The following ARHGEF11 variants were observed in gnomAD, a reference collection of about 807,000 sequenced individuals.
ARHGEF11 encodes Rho guanine exchange factor (GEF) 11.
ARHGEF11 carries 55 observed loss-of-function variants against 193.7 expected under a neutral mutation model. That is an observed-to-expected ratio of 0.28 (90% CI 0.23 to 0.36). The LOEUF (loss-of-function observed/expected upper bound fraction) is 0.36. Ranked by LOEUF, ARHGEF11 falls within the 10% of genes least tolerant of loss-of-function variation. The pLI is 1.00. For missense variants in ARHGEF11, 1,723 were observed against 2,005.6 expected (o/e 0.86, Z 2.69); for synonymous variants, 693 against 768.0 (o/e 0.90, Z 1.62).
chr1:157,044,389 T>G lies in ARHGEF11; in HGVS notation c.-59A>C. ...GTAGCTTTGGTGTCTTGATCAGGAT[T>G]GAATCGCTTGCAATTTTTGAGCAAG... On this transcript the variant is annotated 5_prime_UTR_variant, in exon 1 of 41. Coordinates refer to ENST00000368194, the MANE Select transcript of ARHGEF11 (RefSeq NM_198236.3). 1 of 1,574,242 alleles carries G rather than the reference T, an allele frequency of 6.4e-7. No homozygotes were observed. Among genetic ancestry groups the G allele is most frequent in the Non-Finnish European group, 8.7e-7 (1 of 1,145,788 alleles).
At chr1:156,992,171 TG>T (rs1665826918) in intron 1 of ARHGEF11, among the ~76,000 whole-genome samples, 1 of 152,264 alleles carries the variant, frequency 6.6e-6, no homozygotes, top group African/African-American at 2.4e-5. Flanking sequence ...TGTTTCTTCT[TG>T]TAAAACTAAA....
intron 18 of ARHGEF11, 61 bp from the exon 19 acceptor site, chr1:156,956,625 A>T: frequency 6.2e-7 from 1 of 1,605,388 alleles, no homozygotes; most frequent in Non-Finnish European, 8.5e-7. Flanking sequence ...TGTGCCAAAC[A>T]ATCTCTTCAC....
chr1:157,010,489 G>A (rs1571484062), intron 1 of ARHGEF11, among the ~76,000 whole-genome samples: 1 of 152,082 alleles, frequency 6.6e-6, no homozygotes, highest in African/African-American at 2.4e-5. Flanking sequence ...TTGTGTGATC[G>A]TAGCCCACTA....
At chr1:156,955,493 G>A (rs1357627279) in intron 20 of ARHGEF11, among the ~76,000 whole-genome samples, 1 of 152,166 alleles carries the variant, frequency 6.6e-6, no homozygotes, top group African/African-American at 2.4e-5. Flanking sequence ...AAGACCCAGG[G>A]ACCGGCACGG....
intron 1 of ARHGEF11, among the ~76,000 whole-genome samples, chr1:157,027,295 G>A (rs1411659575): frequency 6.6e-6 from 1 of 152,124 alleles, no homozygotes; most frequent in Non-Finnish European, 1.5e-5. Flanking sequence ...AGGATAACTT[G>A]AACCCAGGAA....
rs1413823758 is a variant in ARHGEF11 at position 156,959,132 on chromosome 1, C to T, written c.1293G>A (p.Leu431=). The T allele has an allele frequency of 1.2e-6, 2 of 1,614,146 alleles. No homozygotes were observed. Among genetic ancestry groups the T allele is most frequent in the Middle Eastern group, 1.6e-4 (1 of 6,062 alleles). The change falls in exon 16 of 41, where the codon CTG becomes CTA. Residue 431 remains leucine, a synonymous_variant. Coordinates refer to ENST00000368194, the MANE Select transcript of ARHGEF11 (RefSeq NM_198236.3). The part of the protein sequence containing the change: ...EMLQAEIDSR[L]RNSEDARGVL... ...CACCACGGGCATCTTCGCTGTTCCG[C>T]AGGCGCGAGTCTGTAGTGGGAGATC...
chr1:156,982,580 A>C (rs1664337515), intron 3 of ARHGEF11, among the ~76,000 whole-genome samples: 1 of 152,086 alleles, frequency 6.6e-6, no homozygotes, highest in Admixed American at 6.5e-5. Flanking sequence ...TCTCACACAC[A>C]CAGACTCTAG....
chr1:156,960,528 A>T, intron 14 of ARHGEF11, 68 bp from the exon 15 acceptor site: 1 of 1,485,320 alleles, frequency 6.7e-7, no homozygotes, highest in Middle Eastern at 1.7e-4. Context: ...GCAGTGTGCA[A>T]GGCGAGGAGG....
chr1:156,967,270 G>C (rs1353633160), intron 11 of ARHGEF11, among the ~76,000 whole-genome samples: 1 of 152,200 alleles, frequency 6.6e-6, no homozygotes, highest in East Asian at 1.9e-4. Context: ...CATTATACAG[G>C]TAGAACGTTG....
At chr1:156,947,738 C>A (rs76025110) in intron 25 of ARHGEF11, 31 bp downstream of exon 25, 1 of 1,607,254 alleles carries the variant, frequency 6.2e-7, no homozygotes, top group African/African-American at 1.3e-5. Flanking sequence ...CACGTGTGAG[C>A]GGAGCTGGGG....
Position 157,044,808 on chromosome 1 carries a change from T to C in ARHGEF11, c.-478A>G, listed in dbSNP as rs1673163356. 9.1e-6 allele frequency: 3 copies of C among 329,622 alleles called. No homozygotes were observed. Among genetic ancestry groups the C allele is most frequent in the Non-Finnish European group, 1.6e-5 (3 of 184,316 alleles). 20.4% of individuals were successfully genotyped at this position (329,622 alleles called of 1,614,324 possible). A position where few individuals can be genotyped will look rare whatever the true frequency, so the allele number is the denominator to read the frequency against. On this transcript the variant is annotated 5_prime_UTR_variant, in exon 1 of 41. Transcript: ENST00000368194. Reference sequence around the variant, plus strand: ...CTCTAGCTCAAAGGGGGAAAGTAATTTTCTAGTCTCCAATGCTTAATATGA... The same window carrying C: ...CTCTAGCTCAAAGGGGGAAAGTAATCTTCTAGTCTCCAATGCTTAATATGA...
intron 33 of ARHGEF11, 58 bp from the exon 34 acceptor site, chr1:156,942,047 A>C (rs1268124026): frequency 1.9e-6 from 3 of 1,611,322 alleles, no homozygotes; most frequent in Non-Finnish European, 2.5e-6. Context: ...AGCACGCACC[A>C]CCCCGTACTG....
chr1:157,010,232 TG>T (rs1224810913), intron 1 of ARHGEF11, among the ~76,000 whole-genome samples: 1 of 152,144 alleles, frequency 6.6e-6, no homozygotes, highest in Admixed American at 6.5e-5. Context: ...CATTCAATGT[TG>T]AACTAGGGAG....
chr1:157,015,805 T>C (rs993755174), intron 1 of ARHGEF11, among the ~76,000 whole-genome samples: 1 of 152,226 alleles, frequency 6.6e-6, no homozygotes, highest in Non-Finnish European at 1.5e-5. Context: ...CCAACGAGCA[T>C]GTCTCCCAGG....
rs1320731150 is a variant in ARHGEF11, at chr1:156,941,910, G to T, written c.3406C>A (p.Pro1136Thr). 6.2e-7 allele frequency: 1 copy of T among 1,613,978 alleles called. No homozygotes were observed. Among genetic ancestry groups the T allele is most frequent in the Non-Finnish European group, 8.5e-7 (1 of 1,179,950 alleles). ...GAAPMPVHPP[P>T]PGPREPAQQG... ...TGGGCTGGCTCCCGGGGACCTGGGGGTGGAGGATGGACGGGCATTGGGGCA... is the reference window on the plus strand; with the variant it reads ...TGGGCTGGCTCCCGGGGACCTGGGGTTGGAGGATGGACGGGCATTGGGGCA... The change falls in exon 34 of 41, where the codon CCC becomes ACC. Residue 1136 changes from proline (P) to threonine (T), a missense_variant. Transcript: ENST00000368194.
chr1:156,949,925 T>C (rs748352375), intron 22 of ARHGEF11, among the ~76,000 whole-genome samples: 16 of 152,216 alleles, frequency 1.1e-4, no homozygotes, highest in Non-Finnish European at 2.9e-5. Flanking sequence ...TCTTCTGAGA[T>C]TGCCAATGAG....
rs758465895 is a variant in ARHGEF11 at position 156,940,428 on chromosome 1, G to A, written c.3515-3C>T. On this transcript the variant is annotated splice_polypyrimidine_tract_variant and splice_region_variant and intron_variant, in intron 35 of 40. Transcript: ENST00000368194. ...GACCCTCTGCTGGGACCCAGTGCCT[G>A]TTTCGGATGAGAGAAGATTGTAAGG... 1.3e-5 allele frequency: 21 copies of A among 1,595,786 alleles called. 1 individual carries two copies. The highest frequency in any genetic ancestry group is 5.6e-5 in the South Asian group (5 of 89,098).
rs116603590 is a variant in ARHGEF11, at chr1:156,967,399, T to C, written c.963+588A>G. Among the ~76,000 whole-genome samples the C allele has an allele frequency of 8.9e-3, 1,350 of 152,330 alleles. 13 individuals carry two copies. The highest frequency in any genetic ancestry group is 0.031 in the African/African-American group (1,291 of 41,572). ...CCATTGCCAGACAGCCCAGCTTCTT[T>C]GCAAGCTGTTTGCATTAAGTCAAAA... On this transcript the variant is annotated intron_variant, in intron 11 of 40. Coordinates refer to ENST00000368194, the MANE Select transcript of ARHGEF11 (RefSeq NM_198236.3).
intron 1 of ARHGEF11, among the ~76,000 whole-genome samples, chr1:157,011,105 A>G (rs1668485665): frequency 6.6e-6 from 1 of 152,240 alleles, no homozygotes; most frequent in Non-Finnish European, 1.5e-5. Flanking sequence ...CCAGAAAGCT[A>G]CAGTAAGCAA....
Sources: gnomAD v4.1 joint callset for allele counts (sites outside exome capture counted in the v4.1 genomes callset) on GRCh38, gnomAD v4.1.1 for gene constraint, MANE v1.5 for transcripts, NCBI Gene and HGNC (gene_info 2026-07-23, HGNC 2026-07-21) for gene names.